The following NLRC5 variants were observed in gnomAD, a reference collection of about 807,000 sequenced individuals.
NLRC5 encodes the protein NLR family CARD domain containing 5.
NLRC5 carries 114 observed loss-of-function variants against 206.9 expected under a neutral mutation model. The ratio of observed to expected loss-of-function variants is 0.55; its 90% confidence interval spans 0.47 to 0.64. The LOEUF (loss-of-function observed/expected upper bound fraction) is 0.64. NLRC5 is among the 30% of genes least tolerant of loss of function. The pLI is 0.00. For synonymous variants in NLRC5, 952 were observed against 962.8 expected, an observed-to-expected ratio of 0.99 and a Z score of 0.21; for missense variants, 2,008 against 2,305.5, an observed-to-expected ratio of 0.87 and a Z score of 2.64.
intron 18 of NLRC5, 41 bp from the exon 19 acceptor site, chr16:57,041,941 C>T (rs1207651191): frequency 5.0e-6 from 7 of 1,398,024 alleles, no homozygotes; most frequent in Non-Finnish European, 6.8e-6. Flanking sequence ...AACCCACTCC[C>T]CACCTGCTAA....
At chr16:57,045,963 C>T (rs1444824797) in intron 21 of NLRC5, among the ~76,000 whole-genome samples, 3 of 152,218 alleles carry the variant, frequency 2.0e-5, no homozygotes, top group Non-Finnish European at 4.4e-5. Flanking sequence ...ATGATGTTCC[C>T]GGCTGCCCTC....
intron 43 of NLRC5, 113 bp from the exon 44 acceptor site, chr16:57,078,937 G>T: frequency 2.1e-6 from 2 of 942,548 alleles, no homozygotes; most frequent in Non-Finnish European, 1.7e-6. Flanking sequence ...TGTGGATGGG[G>T]AATTAGCCAG....
At chr16:57,012,827 C>T (rs570831032) in intron 1 of NLRC5, among the ~76,000 whole-genome samples, 14 of 152,288 alleles carry the variant, frequency 9.2e-5, no homozygotes, top group East Asian at 1.9e-4. Context: ...ACATTCCCAC[C>T]GGCAATATAT....
Position 56,991,530 on chromosome 16 carries a change from C to T in NLRC5, c.-128+1913C>T, listed in dbSNP as rs192078511. Among the ~76,000 whole-genome samples, 80 of 151,796 alleles carry T rather than the reference C, an allele frequency of 5.3e-4. 1 individual carries two copies. Among genetic ancestry groups the T allele is most frequent in the African/African-American group, 1.6e-3 (67 of 41,388 alleles). On this transcript the variant is annotated intron_variant, in intron 1 of 48. Coordinates refer to ENST00000688547, the MANE Select transcript of NLRC5 (RefSeq NM_001384950.1). ...CCGAGTAGCTGGGATTATAGGCGCC[C>T]GCCGCTACACCCAGCTAATTTTTGT...
chr16:57,061,346 G>C (rs1299907728), intron 30 of NLRC5, 102 bp from the exon 31 acceptor site: 1 of 1,152,444 alleles, frequency 8.7e-7, no homozygotes, highest in African/African-American at 1.5e-5. Context: ...TGCCCTCAGA[G>C]GTGGGATGCT....
rs1006034034 is a variant in NLRC5, at chr16:57,039,882, A to T, written c.2870+33A>T. On this transcript the variant is annotated intron_variant, in intron 16 of 48. Transcript: ENST00000688547. ...CCGATTTCACCCCAACTCCATGCTC[A>T]GTCAGGGACATTCCCCTCTCTACCC... 2.6e-6 allele frequency: 4 copies of T among 1,567,894 alleles called. No individual in the cohort carries two copies. In the African/African-American group the frequency reaches 5.4e-5, roughly 21 times the overall value.
rs932089658 is a variant in NLRC5 at position 57,007,378 on chromosome 16, G to A, written c.-127-9696G>A. Among the ~76,000 whole-genome samples, 4 of 152,158 alleles carry A rather than the reference G, an allele frequency of 2.6e-5. No homozygotes were observed. The South Asian group carries it at 6.2e-4, about 24-fold the overall frequency. On this transcript the variant is annotated intron_variant, in intron 1 of 48. Coordinates refer to ENST00000688547, the MANE Select transcript of NLRC5 (RefSeq NM_001384950.1). ...AATGGTGTATCTTTTTAGTTCTAAT[G>A]TATTATATTTATTCTATTTTCTGTG...
rs1567559257 is a variant in NLRC5 at position 57,028,304 on chromosome 16, T to A, written c.2162T>A (p.Leu721Ter). ...PTMGRLQMLG[L>*]AGSKITARGI... ...CACCATCTTTGCTTACTCTGTAGGT[T>A]AGCAGGAAGTAAAATCACTGCCCGA... Residue 721 changes from leucine (L) to a stop codon, truncating the protein, a stop_gained and splice_region_variant, in exon 8 of 49, where the codon TTA becomes TAA. Coordinates refer to ENST00000688547, the MANE Select transcript of NLRC5 (RefSeq NM_001384950.1). LOFTEE classifies it high-confidence loss of function. The A allele has an allele frequency of 6.2e-7, 1 of 1,613,536 alleles. No homozygotes were observed. Among genetic ancestry groups the A allele is most frequent in the Non-Finnish European group, 8.5e-7 (1 of 1,179,460 alleles).
chr16:57,033,255 G>A (rs572907551), intron 11 of NLRC5, among the ~76,000 whole-genome samples: 1 of 152,256 alleles, frequency 6.6e-6, no homozygotes, highest in East Asian at 1.9e-4. Context: ...CCTATGCTGG[G>A]TACTTGGACA....
At chr16:57,080,480 G>GTTT (rs2068987512) in intron 46 of NLRC5, among the ~76,000 whole-genome samples, 2 of 87,282 alleles carry the variant, frequency 2.3e-5, no homozygotes, top group Non-Finnish European at 2.3e-5. Flanking sequence ...TTCCTTTCAA[G>GTTT]ATTTTTTTTT....
chr16:57,033,561 T>C (rs1435012545), intron 11 of NLRC5, 43 bp from the exon 12 acceptor site: 1 of 1,597,354 alleles, frequency 6.3e-7, no homozygotes, highest in African/African-American at 1.3e-5. Context: ...CACCAGGCCC[T>C]AGATGCCTGA....
intron 4 of NLRC5, among the ~76,000 whole-genome samples, chr16:57,023,521 G>C (rs1021184799): frequency 6.6e-6 from 1 of 152,090 alleles, no homozygotes; most frequent in South Asian, 2.1e-4. Context: ...GCTGGCTGTT[G>C]GCCCTGCTTC....
intron 32 of NLRC5, 114 bp from the exon 33 acceptor site, chr16:57,065,098 A>AT (rs2066941782): frequency 1.9e-6 from 1 of 521,518 alleles, no homozygotes; most frequent in Non-Finnish European, 3.0e-6. Flanking sequence ...AGCAAAAAAA[A>AT]CTCAAAAAGC....
rs762016938 is a variant in NLRC5, at chr16:57,029,860, A to C, written c.2327+4A>C. The C allele has an allele frequency of 6.8e-6, 11 of 1,613,672 alleles. No homozygotes were observed. Among genetic ancestry groups the C allele is most frequent in the Non-Finnish European group, 9.3e-6 (11 of 1,179,580 alleles). On this transcript the variant is annotated splice_donor_region_variant and intron_variant, in intron 9 of 48. Coordinates refer to ENST00000688547, the MANE Select transcript of NLRC5 (RefSeq NM_001384950.1). ...TACCACGGCTCCGGAAGCTTGAGTA[A>C]GTGATCTTTCCACTGCCTCTGCAGC...
At position 57,025,451 on chromosome 16, in the gene NLRC5, C is replaced by T; in HGVS notation, c.508C>T (p.His170Tyr). The T allele has an allele frequency of 6.2e-7, 1 of 1,609,366 alleles. No individual in the cohort carries two copies. Among genetic ancestry groups the T allele is most frequent in the Non-Finnish European group, 8.5e-7 (1 of 1,177,324 alleles). Residue 170 changes from histidine (H) to tyrosine (Y), a missense_variant, in exon 6 of 49, where the codon CAC becomes TAC. By Grantham distance (83) the His-to-Tyr change is moderately conservative. Coordinates refer to ENST00000688547, the MANE Select transcript of NLRC5 (RefSeq NM_001384950.1). ...CCAAATCCCTGGGTCAGGGCAGCCC[C>T]ACGCCTTCCACCAGGTCTATGTCCC... Reference protein sequence around the residue: ...RSQIPGSGQPHAFHQVYVPPI... With the variant: ...RSQIPGSGQPYAFHQVYVPPI...
chr16:57,061,273 G>A (rs58239985), intron 30 of NLRC5, among the ~76,000 whole-genome samples, 175 bp from the exon 31 acceptor site: 31,613 of 152,220 alleles, frequency 0.21, 3,781 homozygotes, highest in African/African-American at 0.33. Flanking sequence ...CCTCCCCAAA[G>A]AGACAGGAAG....
chr16:57,057,250 G>A (rs183620584), intron 27 of NLRC5, among the ~76,000 whole-genome samples: 7 of 152,170 alleles, frequency 4.6e-5, no homozygotes, highest in Admixed American at 1.3e-4. Context: ...GTGAAAACCC[G>A]TCTCTACTAA....
At chr16:57,041,698 C>G in intron 18 of NLRC5, 124 bp downstream of exon 18, 1 of 758,550 alleles carries the variant, frequency 1.3e-6, no homozygotes, top group Non-Finnish European at 2.2e-6. Flanking sequence ...TCAGAAACCC[C>G]TTGGAGAATC....
At chr16:57,018,321 C>T (rs2060295731) in intron 2 of NLRC5, among the ~76,000 whole-genome samples, 1 of 152,216 alleles carries the variant, frequency 6.6e-6, no homozygotes, top group South Asian at 2.1e-4. Flanking sequence ...AATTTACTGG[C>T]CTGGGAGGCA....
Sources: gnomAD v4.1 joint callset for allele counts (sites outside exome capture counted in the v4.1 genomes callset) on GRCh38, gnomAD v4.1.1 for gene constraint, MANE v1.5 for transcripts, NCBI Gene and HGNC (gene_info 2026-07-23, HGNC 2026-07-21) for gene names.